Variants in TRIP11 observed in about 807,000 individuals in gnomAD.
The protein encoded by TRIP11 is thyroid hormone receptor interactor 11.
TRIP11 carries 148 observed loss-of-function variants against 223.1 expected under a neutral mutation model. The observed-to-expected ratio is 0.66, with a 90% CI of 0.58 to 0.76. The LOEUF is 0.76. TRIP11 is among the 30% of genes least tolerant of loss of function. The pLI, the probability that TRIP11 is intolerant of heterozygous loss-of-function variation, is 0.00. For synonymous variants in TRIP11, 762 were observed against 772.6 expected, an observed-to-expected ratio of 0.99 and a Z score of 0.23; for missense variants, 2,043 against 2,222.0, an observed-to-expected ratio of 0.92 and a Z score of 1.62.
intron 20 of TRIP11, among the ~76,000 whole-genome samples, chr14:91,970,840 A>C (rs902435705): frequency 3.3e-5 from 5 of 152,238 alleles, no homozygotes; most frequent in Admixed American, 6.5e-5. Flanking sequence ...GGTGTCATCT[A>C]TGTTGCAAGG....
chr14:91,984,968 T>C (rs1030144430), intron 16 of TRIP11, among the ~76,000 whole-genome samples: 2 of 152,242 alleles, frequency 1.3e-5, no homozygotes, highest in East Asian at 3.8e-4. Context: ...CAGCCAACAC[T>C]GTCTATTAAA....
chr14:91,994,551 T>G (rs768558309), intron 14 of TRIP11, among the ~76,000 whole-genome samples: 3 of 152,192 alleles, frequency 2.0e-5, no homozygotes, highest in Non-Finnish European at 4.4e-5. Flanking sequence ...GCAAGAATTC[T>G]TATATCTAAA....
chr14:91,985,780 T>C (rs776521233), intron 16 of TRIP11, among the ~76,000 whole-genome samples: 1 of 152,228 alleles, frequency 6.6e-6, no homozygotes, highest in African/African-American at 2.4e-5. Context: ...TAAAGTACAG[T>C]ATTACAACAT....
chr14:91,994,443 C>T (rs968069849), intron 14 of TRIP11, among the ~76,000 whole-genome samples: 3 of 151,978 alleles, frequency 2.0e-5, no homozygotes, highest in African/African-American at 7.3e-5. Context: ...GGGGTTTCAC[C>T]ACATTGGCCA....
At chr14:91,979,122 C>T (rs777476275) in intron 16 of TRIP11, among the ~76,000 whole-genome samples, 57 of 151,758 alleles carry the variant, frequency 3.8e-4, no homozygotes, top group Non-Finnish European at 5.9e-4. Context: ...TCGGGTGTGG[C>T]GGCATGAACC....
chr14:92,004,167 A>G lies in TRIP11; in HGVS notation c.3809T>C (p.Leu1270Pro). 6 of 1,614,220 alleles carry G rather than the reference A, an allele frequency of 3.7e-6. No homozygotes were observed. Among genetic ancestry groups the G allele is most frequent in the Non-Finnish European group, 5.1e-6 (6 of 1,180,046 alleles). The change falls in exon 11 of 21, where the codon CTG becomes CCG. Residue 1270 changes from leucine to proline, a missense_variant. Transcript: ENST00000267622. Reference sequence around the variant, plus strand: ...TTCATTCTGCTCATAACTTTGGATCAGGCCAGTATAGTCCACTTGTAATTT... The same window carrying G: ...TTCATTCTGCTCATAACTTTGGATCGGGCCAGTATAGTCCACTTGTAATTT... ...NSKLQVDYTG[L>P]IQSYEQNETK... is the part of the protein sequence containing the mutation.
chr14:91,970,100 T>C (rs2056383339), intron 20 of TRIP11, among the ~76,000 whole-genome samples: 1 of 152,172 alleles, frequency 6.6e-6, no homozygotes, highest in Non-Finnish European at 1.5e-5. Context: ...CTTTTTGGAC[T>C]GGTCTTTATT....
At chr14:91,988,208 C>A in intron 16 of TRIP11, 76 bp downstream of exon 16, 1 of 1,218,468 alleles carries the variant, frequency 8.2e-7, no homozygotes, top group South Asian at 1.3e-5. Flanking sequence ...TCAACTATGC[C>A]AATTTATGAC....
At position 92,004,073 on chromosome 14, in the gene TRIP11, G is replaced by A. The variant is rs754046173; in HGVS notation, c.3903C>T (p.Thr1301=). ...CAAGTTTTCCTAAAAGAAGATCCTT[G>A]GTATTGCAAAGCTGCCCAATGCTGT... ...VQHSIGQLCN[T]KDLLLGKLDI... The change falls in exon 11 of 21, where the codon ACC becomes ACT. Residue 1301 remains threonine (T), a synonymous_variant. Transcript: ENST00000267622. 7 of 1,613,980 alleles carry A rather than the reference G, an allele frequency of 4.3e-6. No individual in the cohort carries two copies. The highest frequency in any genetic ancestry group is 5.9e-6 in the Non-Finnish European group (7 of 1,180,038).
At chr14:92,008,807 A>G (rs1331454136) in intron 9 of TRIP11, among the ~76,000 whole-genome samples, 1 of 152,184 alleles carries the variant, frequency 6.6e-6, no homozygotes, top group Non-Finnish European at 1.5e-5. Context: ...TCAAGGCTGT[A>G]GTGCACTATG....
intron 14 of TRIP11, 103 bp downstream of exon 14, chr14:91,995,249 T>G: frequency 7.0e-7 from 1 of 1,424,160 alleles, no homozygotes; most frequent in Non-Finnish European, 9.8e-7. Context: ...GTGGGTAACC[T>G]TTCAGAGATT....
intron 20 of TRIP11, among the ~76,000 whole-genome samples, chr14:91,971,011 T>C (rs11848160): frequency 0.024 from 3,584 of 152,354 alleles, 134 homozygotes; most frequent in African/African-American, 0.073. Context: ...CCTGATCATC[T>C]TTTAGGCAGT....
At chr14:92,013,101 T>C (rs2056992921) in intron 7 of TRIP11, among the ~76,000 whole-genome samples, 1 of 152,098 alleles carries the variant, frequency 6.6e-6, no homozygotes, top group Non-Finnish European at 1.5e-5. Flanking sequence ...ACCCTGTCTC[T>C]ACTAAAAATA....
At chr14:92,015,045 A>G (rs2057018715) in intron 6 of TRIP11, among the ~76,000 whole-genome samples, 1 of 151,992 alleles carries the variant, frequency 6.6e-6, no homozygotes, top group Non-Finnish European at 1.5e-5. Flanking sequence ...CTGGGACCAC[A>G]GGCGAGCACC....
At chr14:91,972,628 T>C (rs2056413677) in intron 20 of TRIP11, 89 bp downstream of exon 20, 2 of 1,382,834 alleles carry the variant, frequency 1.4e-6, no homozygotes, top group African/African-American at 1.5e-5. Flanking sequence ...CCAAAAATAC[T>C]AAAAATTTAG....
At chr14:92,025,261 T>C (rs778772109) in intron 3 of TRIP11, 49 bp downstream of exon 3, 1 of 1,358,532 alleles carries the variant, frequency 7.4e-7, no homozygotes, top group Non-Finnish European at 1.1e-6. Flanking sequence ...AAAACATACC[T>C]AAATACATTA....
rs569549221 is a variant in TRIP11 at position 91,988,401 on chromosome 14, A to G, written c.5161-18T>C. On this transcript the variant is annotated intron_variant, in intron 15 of 20. Transcript: ENST00000267622. ...AAACATTCCTGAGAAAGAAAACTTT[A>G]TTAAAAAAAAGTATGCAAAAATTAT... The G allele has an allele frequency of 7.3e-5, 117 of 1,607,508 alleles. No individual in the cohort carries two copies. The South Asian group carries it at 1.3e-3, about 17-fold the overall frequency.
chr14:92,019,883 T>C (rs911888364), intron 4 of TRIP11, among the ~76,000 whole-genome samples: 4 of 152,180 alleles, frequency 2.6e-5, no homozygotes, highest in Admixed American at 1.3e-4. Context: ...CAAGTACCTA[T>C]GGGTATAAAG....
Position 91,995,269 on chromosome 14 carries a change from C to T in TRIP11, c.5056+83G>A, listed in dbSNP as rs1025329482. 3.9e-5 allele frequency: 60 copies of T among 1,545,356 alleles called. No individual in the cohort carries two copies. In the African/African-American group the frequency reaches 6.1e-4, roughly 16 times the overall value. ...TAACCTTTCAGAGATTTCCCCGTGC[C>T]TCATCTAAAATAGCTCTCAAATTAG... On this transcript the variant is annotated intron_variant, in intron 14 of 20. Transcript: ENST00000267622.
Sources: allele counts gnomAD v4.1 joint callset (sites outside exome capture counted in the v4.1 genomes callset), GRCh38; gene constraint gnomAD v4.1.1; transcripts MANE v1.5; gene names NCBI Gene and HGNC (gene_info 2026-07-23, HGNC 2026-07-21).